The following FHL2 variants were observed in gnomAD, a reference collection of about 807,000 sequenced individuals.
FHL2 encodes the protein four and a half LIM domains 2.
A neutral mutation model predicts 32.7 loss-of-function variants in FHL2; 20 were observed. That is an observed-to-expected ratio of 0.61 (90% CI 0.43 to 0.89). The LOEUF is 0.89. Among genes scored for constraint, FHL2 ranks in the 40% least tolerant of loss-of-function variants. The pLI, the probability that FHL2 is intolerant of heterozygous loss-of-function variation, is 0.00. For missense variants in FHL2, 311 were observed against 358.6 expected, an observed-to-expected ratio of 0.87 and a Z score of 1.07; for synonymous variants, 123 against 128.1, an observed-to-expected ratio of 0.96 and a Z score of 0.27.
chr2:105,371,459 A>G (rs1012623187), intron 4 of FHL2, among the ~76,000 whole-genome samples: 3 of 151,484 alleles, frequency 2.0e-5, no homozygotes, highest in Non-Finnish European at 4.4e-5. Context: ...CTGCAGTATC[A>G]TCTCTTCCCT....
upstream of FHL2, among the ~76,000 whole-genome samples, chr2:105,401,498 A>G (rs1367986920): frequency 6.6e-6 from 1 of 152,214 alleles, no homozygotes; most frequent in Non-Finnish European, 1.5e-5. Flanking sequence ...ACAGATGAAC[A>G]TACCATTTTC....
chr2:105,431,422 TA>T (rs1684426888), intron 1 of FHL2, among the ~76,000 whole-genome samples: 1 of 152,158 alleles, frequency 6.6e-6, no homozygotes, highest in South Asian at 2.1e-4. Flanking sequence ...ATGAAGTGTT[TA>T]GGGGTAGCTC....
At chr2:105,402,000 C>T (rs1034277802), upstream of FHL2, among the ~76,000 whole-genome samples, 2 of 149,512 alleles carry the variant, frequency 1.3e-5, no homozygotes, top group African/African-American at 4.9e-5. Flanking sequence ...TATATATACA[C>T]GAATATATAC....
intron 3 of FHL2, chr2:105,376,486 T>C (rs1419558451): frequency 2.6e-5 from 4 of 152,224 alleles, no homozygotes; most frequent in Admixed American, 2.6e-4. Context: ...TTAGAAGCCC[T>C]ATCCACCCAA....
intron 1 of FHL2, chr2:105,438,325 A>C: frequency 2.0e-6 from 2 of 977,560 alleles, no homozygotes; most frequent in South Asian, 9.5e-5. Context: ...AGATGCCTAC[A>C]GAGCTGCTGC....
chr2:105,375,133 A>G (rs1037110792), intron 3 of FHL2: 7 of 150,286 alleles, frequency 4.7e-5, no homozygotes, highest in East Asian at 3.9e-4. Context: ...TTGCTGAAGT[A>G]TGTGTGTGTG....
upstream of FHL2, among the ~76,000 whole-genome samples, chr2:105,403,303 G>A (rs916154672): frequency 6.6e-6 from 1 of 152,224 alleles, no homozygotes; most frequent in African/African-American, 2.4e-5. Context: ...CTCTGCTATG[G>A]ATAAAAGGCT....
chr2:105,417,701 A>G lies in FHL2; in HGVS notation c.-25+20698T>C, dbSNP rs1015674740. Reference sequence around the variant, plus strand: ...TCCATCTCCAAAAAAAAAAAAAAAAAAAAGAAAGAAAGAATGAAAAAAAGA... The same window carrying G: ...TCCATCTCCAAAAAAAAAAAAAAAAGAAAGAAAGAAAGAATGAAAAAAAGA... On this transcript the variant is annotated intron_variant, in intron 1 of 5. Coordinates refer to the FHL2 transcript ENST00000393352. Among the ~76,000 whole-genome samples, 114 of 148,730 alleles carry G rather than the reference A, an allele frequency of 7.7e-4. 1 individual carries two copies. The highest frequency in any genetic ancestry group is 2.0e-3 in the African/African-American group (80 of 40,800).
At chr2:105,398,086 T>G (rs1050035042) in intron 1 of FHL2, among the ~76,000 whole-genome samples, 4 of 152,058 alleles carry the variant, frequency 2.6e-5, no homozygotes, top group Non-Finnish European at 5.9e-5. Context: ...AGTGCGGGCC[T>G]TAAGTTCAGT....
At chr2:105,432,574 G>A (rs1336826462) in intron 1 of FHL2, among the ~76,000 whole-genome samples, 9 of 152,174 alleles carry the variant, frequency 5.9e-5, no homozygotes, top group Admixed American at 2.0e-4. Flanking sequence ...AAAATTGGAC[G>A]CTTTTCAAAA....
chr2:105,367,602 G>T lies in FHL2; in HGVS notation c.469C>A (p.Gln157Lys). The T allele has an allele frequency of 6.2e-7, 1 of 1,614,152 alleles. No homozygotes were observed. Among genetic ancestry groups the T allele is most frequent in the Non-Finnish European group, 8.5e-7 (1 of 1,179,998 alleles). ...QNFCVPCYEK[Q>K]HAMQCVQCKK... ...CACTGAACGCACTGCATGGCATGTT[G>T]TTTCTCATAGCAGGGCACACAGAAA... The change falls in exon 5 of 7, where the codon CAA becomes AAA. Residue 157 changes from glutamine to lysine, a missense_variant. Physicochemically the swap from Gln to Lys is moderately conservative, Grantham distance 53. Coordinates refer to ENST00000530340, the MANE Select transcript of FHL2 (RefSeq NM_001318895.3).
intron 1 of FHL2, among the ~76,000 whole-genome samples, chr2:105,410,722 T>G (rs1312239822): frequency 6.6e-6 from 1 of 152,176 alleles, no homozygotes; most frequent in Non-Finnish European, 1.5e-5. Context: ...TCTTCCTGTA[T>G]CAGCTTGTGT....
intron 1 of FHL2, among the ~76,000 whole-genome samples, chr2:105,431,540 G>A (rs1684431116): frequency 6.6e-6 from 1 of 152,222 alleles, no homozygotes; most frequent in South Asian, 2.1e-4. Flanking sequence ...GGCAGTGCTT[G>A]GCACAGCTGG....
intron 1 of FHL2, among the ~76,000 whole-genome samples, chr2:105,434,886 A>C (rs1434384660): frequency 1.3e-5 from 2 of 152,124 alleles, no homozygotes; most frequent in African/African-American, 4.8e-5. Flanking sequence ...TATTATTTTT[A>C]ATAGACTAAA....
intron 3 of FHL2, 107 bp from the exon 4 acceptor site, chr2:105,373,840 G>A: frequency 9.0e-7 from 1 of 1,114,210 alleles, no homozygotes; most frequent in Non-Finnish European, 1.3e-6. Context: ...AAAGAAGTTG[G>A]GCCGAGGCAC....
chr2:105,422,784 G>A (rs953962), intron 1 of FHL2, among the ~76,000 whole-genome samples: 1 of 152,000 alleles, frequency 6.6e-6, no homozygotes, highest in South Asian at 2.1e-4. Flanking sequence ...ACTTGATTGA[G>A]AAAAGGATTG....
At chr2:105,400,195 C>A (rs1014428851), upstream of FHL2, among the ~76,000 whole-genome samples, 1 of 152,154 alleles carries the variant, frequency 6.6e-6, no homozygotes, top group African/African-American at 2.4e-5. Context: ...CTCCAGGCCA[C>A]GTGAACGGTA....
rs758853943 is a variant in FHL2 at position 105,398,889 on chromosome 2, C to T, written c.-123G>A. 3 of 1,523,728 alleles carry T rather than the reference C, an allele frequency of 2.0e-6. No homozygotes were observed. Among genetic ancestry groups the T allele is most frequent in the Admixed American group, 2.1e-5 (1 of 47,330 alleles). The allele number at this position is 1,523,728 out of a possible 1,614,324, so 94.4% of individuals were successfully genotyped here. On this transcript the variant is annotated 5_prime_UTR_variant, in exon 1 of 7. Transcript: ENST00000530340. Reference sequence around the variant, plus strand: ...GCTCCCCTCTCCTTGGGTCTCGCACCGGATTCGGCCCCCACTTCCGAGCCC... The same window carrying T: ...GCTCCCCTCTCCTTGGGTCTCGCACTGGATTCGGCCCCCACTTCCGAGCCC...
intron 5 of FHL2, among the ~76,000 whole-genome samples, chr2:105,367,136 CT>C (rs1323043792): frequency 2.0e-5 from 3 of 152,192 alleles, no homozygotes; most frequent in Non-Finnish European, 4.4e-5. Flanking sequence ...TTCTCCTTTA[CT>C]TTTCTTCTCA....
Sources: allele counts gnomAD v4.1 joint callset (sites outside exome capture counted in the v4.1 genomes callset), GRCh38; gene constraint gnomAD v4.1.1; transcripts MANE v1.5; gene names NCBI Gene and HGNC (gene_info 2026-07-23, HGNC 2026-07-21).